The following CERT1 variants were observed in gnomAD, a reference collection of about 807,000 sequenced individuals.
CERT1 encodes the protein ceramide transporter 1.
CERT1 carries 31 observed loss-of-function variants against 87.9 expected under a neutral mutation model. The ratio of observed to expected loss-of-function variants is 0.35; its 90% confidence interval spans 0.27 to 0.48. CERT1 has a LOEUF of 0.48. Ranked by LOEUF, CERT1 falls within the 20% of genes least tolerant of loss-of-function variation. The pLI is 0.99. For missense variants in CERT1, 487 were observed against 758.0 expected (o/e 0.64, Z 4.20); for synonymous variants, 289 against 250.9 (o/e 1.15, Z -1.44).
chr5:75,428,602 T>C (rs146175995), intron 3 of CERT1, among the ~76,000 whole-genome samples: 12,032 of 150,666 alleles, frequency 0.08, 580 homozygotes, highest in South Asian at 0.17. Context: ...GGCATGAACC[T>C]GGGAGGCGGA....
intron 2 of CERT1, among the ~76,000 whole-genome samples, chr5:75,481,166 C>T (rs973043657): frequency 2.0e-5 from 3 of 152,188 alleles, no homozygotes; most frequent in African/African-American, 2.4e-5. Flanking sequence ...CTGCTCCAGT[C>T]GTATTGGCCT....
At chr5:75,375,799 G>A (rs1761278820), downstream of CERT1, 1 of 149,976 alleles carries the variant, frequency 6.7e-6, no homozygotes, top group African/African-American at 2.5e-5. Flanking sequence ...CGCTTTCCTA[G>A]GGTTTCAATG....
At position 75,388,599 on chromosome 5, in the gene CERT1, C is replaced by CATATATATATAT. The variant is rs59799780; in HGVS notation, c.1284+981_1284+992dup. Among the ~76,000 whole-genome samples, 327 of 91,716 alleles carry CATATATATATAT rather than the reference C, an allele frequency of 3.6e-3. 3 individuals carry two copies. The highest frequency in any genetic ancestry group is 5.0e-3 in the Non-Finnish European group (206 of 41,108). 60.2% of individuals were successfully genotyped at this position (91,716 alleles called of 152,430 possible). On this transcript the variant is annotated intron_variant, in intron 12 of 16. Coordinates refer to ENST00000643780, the MANE Select transcript of CERT1 (RefSeq NM_001379029.1). The stretch of plus-strand genomic sequence containing the variant: ...GATGGAGCCAAGTATAGCATGCATG[C>CATATATATATAT]ATATATATATATATATATATATATA...
chr5:75,383,843 T>C (rs942720490), intron 14 of CERT1, among the ~76,000 whole-genome samples: 6 of 152,216 alleles, frequency 3.9e-5, no homozygotes, highest in Non-Finnish European at 5.9e-5. Flanking sequence ...TATTATGCTA[T>C]ACACATTATG....
At chr5:75,431,246 T>C (rs1007945220) in intron 3 of CERT1, among the ~76,000 whole-genome samples, 3 of 152,180 alleles carry the variant, frequency 2.0e-5, no homozygotes, top group Non-Finnish European at 4.4e-5. Context: ...CCAGTGTCTA[T>C]TGTTTCCCTC....
At chr5:75,373,143 G>A (rs1340300097), downstream of CERT1, 4 of 152,190 alleles carry the variant, frequency 2.6e-5, no homozygotes, top group Non-Finnish European at 5.9e-5. Flanking sequence ...GCAAAGAGAG[G>A]CATTGCTCAC....
chr5:75,427,716 C>T (rs1763680337), intron 3 of CERT1, among the ~76,000 whole-genome samples: 1 of 152,140 alleles, frequency 6.6e-6, no homozygotes, highest in Non-Finnish European at 1.5e-5. Context: ...TCCTGCTCCT[C>T]TGTACTATTA....
chr5:75,511,324 G>C lies in CERT1; in HGVS notation c.-117C>G, dbSNP rs1767980067. On this transcript the variant is annotated 5_prime_UTR_variant, in exon 1 of 17. Transcript: ENST00000643780. The stretch of plus-strand genomic sequence containing the variant: ...GGCGAAGCGAAGAGTGCCCGCTCCG[G>C]TGTGGGGGGGAGCAGGAGGAGGGAC... The C allele has an allele frequency of 6.5e-7, 1 of 1,548,048 alleles. No homozygotes were observed. Among genetic ancestry groups the C allele is most frequent in the East Asian group, 2.4e-5 (1 of 40,874 alleles).
chr5:75,431,550 G>C (rs1042114280), intron 3 of CERT1, among the ~76,000 whole-genome samples: 1 of 152,150 alleles, frequency 6.6e-6, no homozygotes, highest in Admixed American at 6.5e-5. Flanking sequence ...CTGTGTTATG[G>C]GGTTGGAAAT....
intron 17 of CERT1, chr5:75,372,250 T>TA (rs1761109971): frequency 6.6e-6 from 1 of 152,214 alleles, no homozygotes; most frequent in Non-Finnish European, 1.5e-5. Flanking sequence ...GAAACATTTA[T>TA]AGTGCGCATA....
At chr5:75,407,005 C>T (rs775085194) in intron 8 of CERT1, among the ~76,000 whole-genome samples, 3 of 151,664 alleles carry the variant, frequency 2.0e-5, no homozygotes, top group Admixed American at 1.3e-4. Context: ...AAAACCCATA[C>T]GACTATAATA....
chr5:75,473,349 G>A (rs553391744), intron 2 of CERT1, among the ~76,000 whole-genome samples: 2 of 152,134 alleles, frequency 1.3e-5, no homozygotes, highest in African/African-American at 4.8e-5. Flanking sequence ...ACCTCCCAAA[G>A]TGCTGGAATT....
intron 17 of CERT1, chr5:75,372,717 T>TA (rs1334219909): frequency 2.0e-5 from 3 of 152,244 alleles, no homozygotes; most frequent in African/African-American, 7.2e-5. Context: ...TTGTGCATAT[T>TA]AAGCGATCAG....
intron 2 of CERT1, among the ~76,000 whole-genome samples, chr5:75,471,186 T>A (rs1015535045): frequency 3.3e-5 from 5 of 152,168 alleles, no homozygotes; most frequent in African/African-American, 1.2e-4. Flanking sequence ...AGAAATATGC[T>A]TTTTGGTGAT....
chr5:75,393,602 T>TGAAAAAAAAAAAAAAAAAAAAAAAA (rs1179766169), intron 11 of CERT1, among the ~76,000 whole-genome samples: 1 of 32,770 alleles, frequency 3.1e-5, no homozygotes, highest in Admixed American at 6.0e-4. Context: ...CTCATCTACT[T>TGAAAAAAAAAAAAAAAAAAAAAAAA]AAAAAAAAAA....
chr5:75,474,013 C>T (rs1382158412), intron 2 of CERT1, among the ~76,000 whole-genome samples: 2 of 152,096 alleles, frequency 1.3e-5, no homozygotes, highest in Non-Finnish European at 2.9e-5. Context: ...GAAGTAAAAC[C>T]AAAGACAGGC....
intron 5 of CERT1, among the ~76,000 whole-genome samples, chr5:75,420,597 T>G (rs1291466960): frequency 1.3e-5 from 2 of 152,132 alleles, no homozygotes; most frequent in African/African-American, 2.4e-5. Flanking sequence ...CAATTTTCAT[T>G]CATCCCAGGC....
intron 16 of CERT1, 136 bp from the exon 17 acceptor site, chr5:75,379,609 C>T (rs1044676001): frequency 2.5e-5 from 20 of 812,228 alleles, no homozygotes; most frequent in Admixed American, 1.2e-4. Flanking sequence ...CTTTTTGAGA[C>T]GGAGTCTTGC....
At chr5:75,458,512 A>G (rs1765093660) in intron 3 of CERT1, among the ~76,000 whole-genome samples, 1 of 152,184 alleles carries the variant, frequency 6.6e-6, no homozygotes, top group Non-Finnish European at 1.5e-5. Flanking sequence ...GTGTTTTATG[A>G]AAAAGGGTAT....
Sources: allele counts gnomAD v4.1 joint callset (sites outside exome capture counted in the v4.1 genomes callset), GRCh38; gene constraint gnomAD v4.1.1; transcripts MANE v1.5; gene names NCBI Gene and HGNC (gene_info 2026-07-23, HGNC 2026-07-21).